Variants in PLPPR5 observed in about 807,000 individuals in gnomAD.
PLPPR5 encodes phospholipid phosphatase related 5.
Under a neutral mutation model 33.9 loss-of-function variants are expected in PLPPR5, and 16 were observed. That is an observed-to-expected ratio of 0.47 (90% CI 0.32 to 0.72). The LOEUF (loss-of-function observed/expected upper bound fraction) is 0.72. Among genes scored for constraint, PLPPR5 ranks in the 30% least tolerant of loss-of-function variants. The pLI, the probability that PLPPR5 is intolerant of heterozygous loss-of-function variation, is 0.03. For missense variants in PLPPR5, 301 were observed against 406.7 expected, an observed-to-expected ratio of 0.74 and a Z score of 2.23; for synonymous variants, 163 against 150.3, an observed-to-expected ratio of 1.08 and a Z score of -0.62.
At chr1:98,995,523 C>G (rs1363287065) in intron 1 of PLPPR5, among the ~76,000 whole-genome samples, 1 of 152,076 alleles carries the variant, frequency 6.6e-6, no homozygotes, top group Non-Finnish European at 1.5e-5. Context: ...GGAGATACTT[C>G]CCACTCTTGA....
chr1:98,983,095 T>G (rs2100753694), intron 1 of PLPPR5, among the ~76,000 whole-genome samples: 1 of 152,138 alleles, frequency 6.6e-6, no homozygotes, highest in Non-Finnish European at 1.5e-5. Flanking sequence ...TCCATTTTTT[T>G]TTTTATTATA....
chr1:98,969,313 G>A (rs185963184), intron 1 of PLPPR5, among the ~76,000 whole-genome samples: 1 of 152,122 alleles, frequency 6.6e-6, no homozygotes, highest in Non-Finnish European at 1.5e-5. Flanking sequence ...GAGAAATGCT[G>A]TCTTTAGAAA....
rs78837119 is a variant in PLPPR5, at chr1:98,894,480, C to T, written c.934-1376G>A. Among the ~76,000 whole-genome samples the T allele has an allele frequency of 1.3e-4, 20 of 152,102 alleles. 1 individual carries two copies. The East Asian group carries it at 3.3e-3, about 25-fold the overall frequency. ...ACCAGTGAACTGAGAAAATGCAATT[C>T]GATATAGAGTGTTTCAGCACAAAAC... On this transcript the variant is annotated intron_variant, in intron 5 of 5. Coordinates refer to ENST00000263177, the MANE Select transcript of PLPPR5 (RefSeq NM_001037317.2).
At chr1:98,976,791 A>G (rs1651877757) in intron 1 of PLPPR5, among the ~76,000 whole-genome samples, 2 of 152,098 alleles carry the variant, frequency 1.3e-5, no homozygotes, top group Admixed American at 1.3e-4. Flanking sequence ...AGTAAAATAA[A>G]TTATCAAAAT....
At chr1:98,938,303 G>A (rs996509349) in intron 3 of PLPPR5, among the ~76,000 whole-genome samples, 1 of 151,480 alleles carries the variant, frequency 6.6e-6, no homozygotes, top group Non-Finnish European at 1.5e-5. Flanking sequence ...TGAATGCAAA[G>A]TATAGTATTT....
intron 1 of PLPPR5, chr1:99,004,231 G>A (rs1012574055): frequency 3.6e-6 from 2 of 561,366 alleles, no homozygotes; most frequent in Non-Finnish European, 6.3e-6. Context: ...GGTGTGGGGG[G>A]GTGACGTGTG....
intron 1 of PLPPR5, among the ~76,000 whole-genome samples, chr1:98,958,475 A>T (rs1356458398): frequency 1.3e-5 from 2 of 152,134 alleles, no homozygotes; most frequent in East Asian, 1.9e-4. Context: ...AACTAAATTA[A>T]AAGAGACTAG....
At chr1:98,988,211 C>G (rs1652328208) in intron 1 of PLPPR5, among the ~76,000 whole-genome samples, 1 of 152,090 alleles carries the variant, frequency 6.6e-6, no homozygotes, top group Non-Finnish European at 1.5e-5. Context: ...AAAGTCAAAT[C>G]TGAAATTCTT....
At chr1:98,926,591 C>A (rs567877609) in intron 3 of PLPPR5, among the ~76,000 whole-genome samples, 2 of 152,048 alleles carry the variant, frequency 1.3e-5, no homozygotes, top group East Asian at 3.9e-4. Flanking sequence ...TTATCAAGTT[C>A]CCCTTACCCT....
At chr1:99,003,579 A>C (rs771069879) in intron 1 of PLPPR5, among the ~76,000 whole-genome samples, 2 of 152,176 alleles carry the variant, frequency 1.3e-5, no homozygotes, top group Non-Finnish European at 2.9e-5. Context: ...GTAAATTACT[A>C]TAATAAAATT....
chr1:98,999,617 G>T (rs1652752624), intron 1 of PLPPR5, among the ~76,000 whole-genome samples: 1 of 152,206 alleles, frequency 6.6e-6, no homozygotes, highest in South Asian at 2.1e-4. Flanking sequence ...CCACACCACG[G>T]GAATGTTCCA....
chr1:98,967,185 T>A lies in PLPPR5; in HGVS notation c.238-10444A>T, dbSNP rs907297495. The stretch of plus-strand genomic sequence containing the variant: ...AAGGATGGGACTATAGAAAGAGAGG[T>A]TAAATAAATCCTAAAGTAAAAACAA... On this transcript the variant is annotated intron_variant, in intron 1 of 5. Coordinates refer to ENST00000263177, the MANE Select transcript of PLPPR5 (RefSeq NM_001037317.2). Among the ~76,000 whole-genome samples the A allele has an allele frequency of 2.0e-5, 3 of 151,872 alleles. No homozygotes were observed. The East Asian group carries it at 5.8e-4, about 29-fold the overall frequency.
At chr1:98,932,471 T>C (rs905504491) in intron 3 of PLPPR5, among the ~76,000 whole-genome samples, 3 of 152,200 alleles carry the variant, frequency 2.0e-5, no homozygotes, top group Non-Finnish European at 2.9e-5. Context: ...GCTGGGCTTG[T>C]GTATATCACA....
Position 98,990,852 on chromosome 1 carries a change from C to A in PLPPR5, c.237+13583G>T, listed in dbSNP as rs576075520. 3.3e-5 allele frequency: 5 copies of A among 151,734 alleles called. No individual in the cohort carries two copies. In the South Asian group the frequency reaches 1.0e-3, roughly 31 times the overall value. The allele number at this position is 151,734 out of a possible 1,614,324, so 9.4% of individuals were successfully genotyped here. ...TCTTAAAGAAACAAGAGTGTCTAAA[C>A]TAATTTTAATTTCTATTAATTTTAT... is the stretch of plus-strand genomic sequence containing the variant. On this transcript the variant is annotated intron_variant, in intron 1 of 5. Coordinates refer to ENST00000263177, the MANE Select transcript of PLPPR5 (RefSeq NM_001037317.2).
intron 3 of PLPPR5, among the ~76,000 whole-genome samples, chr1:98,928,964 AAT>A (rs2101172770): frequency 6.6e-6 from 1 of 152,200 alleles, no homozygotes; most frequent in Admixed American, 6.5e-5. Flanking sequence ...CTACTTTTTA[AAT>A]ATGTTACTTC....
At chr1:98,997,771 A>T (rs1009215654) in intron 1 of PLPPR5, among the ~76,000 whole-genome samples, 4 of 152,224 alleles carry the variant, frequency 2.6e-5, no homozygotes, top group African/African-American at 9.6e-5. Flanking sequence ...AACCCATGTA[A>T]CCTGCTCACA....
chr1:99,003,994 A>AC (rs1164286319), intron 1 of PLPPR5, among the ~76,000 whole-genome samples: 1 of 151,990 alleles, frequency 6.6e-6, no homozygotes, highest in Non-Finnish European at 1.5e-5. Context: ...TCCCTTTCAC[A>AC]CCCCAGCAAT....
intron 1 of PLPPR5, among the ~76,000 whole-genome samples, chr1:98,992,914 C>T (rs1039694915): frequency 6.6e-6 from 1 of 152,120 alleles, no homozygotes; most frequent in South Asian, 2.1e-4. Context: ...ATTAAAAGCA[C>T]ATATGGAACC....
At chr1:98,896,694 C>T (rs955356336) in intron 5 of PLPPR5, among the ~76,000 whole-genome samples, 8 of 152,166 alleles carry the variant, frequency 5.3e-5, no homozygotes, top group East Asian at 1.9e-4. Context: ...AAAGCAAACA[C>T]GTTTCTGGGA....
Sources: allele counts gnomAD v4.1 joint callset (sites outside exome capture counted in the v4.1 genomes callset), GRCh38; gene constraint gnomAD v4.1.1; transcripts MANE v1.5; gene names NCBI Gene and HGNC (gene_info 2026-07-23, HGNC 2026-07-21).